ZNF385D: variants seen among roughly 807,000 people sequenced by gnomAD.
ZNF385D encodes the protein zinc finger protein 385D.
ZNF385D carries 15 observed loss-of-function variants against 35.8 expected under a neutral mutation model. The observed-to-expected ratio is 0.42, with a 90% CI of 0.28 to 0.64. ZNF385D has a LOEUF of 0.64. Ranked by LOEUF, ZNF385D falls within the 30% of genes least tolerant of loss-of-function variation. The pLI is 0.23. For missense variants in ZNF385D, 474 were observed against 494.6 expected, an observed-to-expected ratio of 0.96 and a Z score of 0.39; for synonymous variants, 212 against 186.8, an observed-to-expected ratio of 1.13 and a Z score of -1.10.
At chr3:22,135,505 C>T (rs149914001) in intron 3 of ZNF385D, among the ~76,000 whole-genome samples, 1 of 152,204 alleles carries the variant, frequency 6.6e-6, no homozygotes, top group East Asian at 1.9e-4. Context: ...GAGAAACATA[C>T]AACATTCATA....
chr3:21,948,328 G>A (rs545769406), intron 3 of ZNF385D, among the ~76,000 whole-genome samples: 8 of 151,732 alleles, frequency 5.3e-5, no homozygotes, highest in Non-Finnish European at 1.0e-4. Context: ...AACTTTCCTG[G>A]TATTAATAAA....
chr3:22,233,925 T>C (rs906172399), intron 2 of ZNF385D, among the ~76,000 whole-genome samples: 1 of 152,096 alleles, frequency 6.6e-6, no homozygotes, highest in Non-Finnish European at 1.5e-5. Context: ...ATTCTTTCCT[T>C]TGTGATAAGA....
upstream of ZNF385D, among the ~76,000 whole-genome samples, chr3:21,754,486 T>G (rs2070248964): frequency 1.3e-5 from 2 of 152,174 alleles, no homozygotes; most frequent in African/African-American, 4.8e-5. Flanking sequence ...ACTTACATAT[T>G]TTGTATTAAA....
At chr3:21,447,654 G>T (rs1313490205) in intron 4 of ZNF385D, among the ~76,000 whole-genome samples, 1 of 152,168 alleles carries the variant, frequency 6.6e-6, no homozygotes, top group Non-Finnish European at 1.5e-5. Context: ...CTAACGGTTG[G>T]AATTATGACA....
chr3:21,871,421 T>A, intron 3 of ZNF385D, among the ~76,000 whole-genome samples: 1 of 152,130 alleles, frequency 6.6e-6, no homozygotes, highest in East Asian at 1.9e-4. Flanking sequence ...TAAAATTATG[T>A]TTATTGTCTG....
intron 2 of ZNF385D, among the ~76,000 whole-genome samples, chr3:22,257,447 A>G (rs917591146): frequency 1.1e-4 from 17 of 151,790 alleles, no homozygotes; most frequent in African/African-American, 3.6e-4. Flanking sequence ...CAATTGCATC[A>G]TCATTTCCTC....
intron 3 of ZNF385D, among the ~76,000 whole-genome samples, chr3:21,793,795 CA>C (rs1462979484): frequency 6.6e-6 from 1 of 152,190 alleles, no homozygotes; most frequent in African/African-American, 2.4e-5. Flanking sequence ...ACCTTAAAAA[CA>C]GCTTGACCAG....
intron 2 of ZNF385D, among the ~76,000 whole-genome samples, chr3:21,603,828 G>T (rs1338731598): frequency 6.6e-6 from 1 of 152,128 alleles, no homozygotes; most frequent in East Asian, 1.9e-4. Flanking sequence ...AGTAGGCAGG[G>T]ATGGTAGAAG....
chr3:22,141,220 G>A (rs1367340230), intron 3 of ZNF385D, among the ~76,000 whole-genome samples: 1 of 151,890 alleles, frequency 6.6e-6, no homozygotes, highest in African/African-American at 2.4e-5. Context: ...CAACAATAAA[G>A]ATTTACCAAT....
At chr3:22,356,155 G>A (rs1696138783) in intron 2 of ZNF385D, among the ~76,000 whole-genome samples, 1 of 151,942 alleles carries the variant, frequency 6.6e-6, no homozygotes, top group Non-Finnish European at 1.5e-5. Context: ...ACTGTGTGGA[G>A]GTGGAAATCA....
chr3:22,261,558 T>C (rs1203959091), intron 2 of ZNF385D, among the ~76,000 whole-genome samples: 1 of 151,994 alleles, frequency 6.6e-6, no homozygotes, highest in Non-Finnish European at 1.5e-5. Flanking sequence ...TCCGTCCCTA[T>C]CCTGCTCTGT....
At chr3:21,524,047 G>A (rs182698381) in intron 3 of ZNF385D, among the ~76,000 whole-genome samples, 4 of 152,318 alleles carry the variant, frequency 2.6e-5, no homozygotes, top group Admixed American at 2.6e-4. Flanking sequence ...AAGATGCCTT[G>A]CAGGTTTCTG....
intron 2 of ZNF385D, among the ~76,000 whole-genome samples, chr3:22,293,373 C>G (rs1702403003): frequency 6.6e-6 from 1 of 152,090 alleles, no homozygotes; most frequent in South Asian, 2.1e-4. Flanking sequence ...CTCCATAAGA[C>G]TTTAATAAAT....
intron 3 of ZNF385D, among the ~76,000 whole-genome samples, chr3:21,794,207 C>T (rs1014600609): frequency 1.3e-5 from 2 of 151,996 alleles, no homozygotes; most frequent in Non-Finnish European, 2.9e-5. Context: ...CAACTTGCTG[C>T]TTGGGGAGTA....
chr3:21,997,164 A>T (rs963001871), intron 3 of ZNF385D, among the ~76,000 whole-genome samples: 1 of 152,176 alleles, frequency 6.6e-6, no homozygotes, highest in African/African-American at 2.4e-5. Flanking sequence ...AATACTATGC[A>T]GCTGTAAAAA....
intron 2 of ZNF385D, among the ~76,000 whole-genome samples, chr3:22,215,444 T>C (rs1186877812): frequency 6.6e-6 from 1 of 152,098 alleles, no homozygotes; most frequent in Non-Finnish European, 1.5e-5. Context: ...CTAAAATGGC[T>C]GCTTCAGGGG....
In ZNF385D at chr3:22,301,017, C is replaced by T. The variant is rs186088774; in HGVS notation, c.106+71433G>A. On this transcript the variant is annotated intron_variant, in intron 2 of 5. Coordinates refer to the ZNF385D transcript ENST00000494108. ...TCTTTGCAGATGTACTCACAATAGC[C>T]AAGATACAGAAACAACCTAGGTGTC... 4.1e-3 allele frequency among the ~76,000 whole-genome samples: 621 copies of T among 152,026 alleles called. 10 individuals carry two copies. The South Asian group carries it at 0.049, about 12-fold the overall frequency.
At chr3:21,509,468 G>C (rs1707037575) in intron 4 of ZNF385D, among the ~76,000 whole-genome samples, 1 of 152,068 alleles carries the variant, frequency 6.6e-6, no homozygotes, top group African/African-American at 2.4e-5. Flanking sequence ...TCGATTATTA[G>C]AGAAAAGACC....
intron 2 of ZNF385D, among the ~76,000 whole-genome samples, chr3:21,569,545 G>A (rs2063261416): frequency 6.6e-6 from 1 of 150,618 alleles, no homozygotes; most frequent in Non-Finnish European, 1.5e-5. Context: ...TTTAATTGGA[G>A]CATTTAGTCC....
Sources: allele counts gnomAD v4.1 joint callset (sites outside exome capture counted in the v4.1 genomes callset), GRCh38; gene constraint gnomAD v4.1.1; transcripts MANE v1.5; gene names NCBI Gene and HGNC (gene_info 2026-07-23, HGNC 2026-07-21).